The following SYNE1 variants were observed in gnomAD, a reference collection of about 807,000 sequenced individuals.
SYNE1 encodes nesprin-1.
Under a neutral mutation model 1,111.0 loss-of-function variants are expected in SYNE1, and 616 were observed. The ratio of observed to expected loss-of-function variants is 0.55; its 90% CI spans 0.52 to 0.59. The LOEUF (loss-of-function observed/expected upper bound fraction) is 0.59. Among genes scored for constraint, SYNE1 ranks in the 20% least tolerant of loss-of-function variants. SYNE1 has a pLI of 0.00. For missense variants in SYNE1, 10,006 were observed against 10,417.0 expected, an observed-to-expected ratio of 0.96 and a Z score of 1.72; for synonymous variants, 3,855 against 3,825.8, an observed-to-expected ratio of 1.01 and a Z score of -0.28.
At position 152,398,744 on chromosome 6, in the gene SYNE1, AAAAT is replaced by A. The variant is rs771486876; in HGVS notation, c.7238-17_7238-14del. ...TCCTGCATAGACTCTTTTGAAAGAA[AAAAT>A]AAATAAATAAAAATAAAAAATCAGA... is the stretch of plus-strand genomic sequence containing the variant. On this transcript the variant is annotated splice_polypyrimidine_tract_variant and intron_variant, in intron 48 of 145. Coordinates refer to ENST00000367255, the MANE Select transcript of SYNE1 (RefSeq NM_182961.4). 16 of 1,593,268 alleles carry A rather than the reference AAAAT, an allele frequency of 1.0e-5. No individual in the cohort carries two copies. The African/African-American group carries it at 2.2e-4, about 21-fold the overall frequency.
At chr6:152,411,120 T>G (rs2098029230) in intron 42 of SYNE1, among the ~76,000 whole-genome samples, 1 of 152,214 alleles carries the variant, frequency 6.6e-6, no homozygotes. Context: ...GGGTCATTTT[T>G]TAAAATGCAT....
chr6:152,534,537 A>T (rs2099224436), intron 4 of SYNE1, among the ~76,000 whole-genome samples: 1 of 152,228 alleles, frequency 6.6e-6, no homozygotes, highest in Non-Finnish European at 1.5e-5. Context: ...TGGTATGTGC[A>T]TACATTGTGA....
intron 131 of SYNE1, among the ~76,000 whole-genome samples, chr6:152,162,136 C>T (rs2062640769): frequency 6.6e-6 from 1 of 152,184 alleles, no homozygotes. Context: ...TCTCAGCACA[C>T]CTTATTCAGA....
Position 152,227,430 on chromosome 6 carries a change from G to T in SYNE1, c.21196-1554C>A, listed in dbSNP as rs1016608224. Among the ~76,000 whole-genome samples, 3 of 152,042 alleles carry T rather than the reference G, an allele frequency of 2.0e-5. No homozygotes were observed. In the East Asian group the frequency reaches 5.8e-4, roughly 29 times the overall value. ...TTTGGTTAATTAGTTAGACACTCAC[G>T]CATTTGGCAGCTTAAAGTGATCATT... On this transcript the variant is annotated intron_variant, in intron 115 of 145. Coordinates refer to ENST00000367255, the MANE Select transcript of SYNE1 (RefSeq NM_182961.4).
At chr6:152,237,350 C>A (rs1034480262) in intron 108 of SYNE1, among the ~76,000 whole-genome samples, 2 of 147,744 alleles carry the variant, frequency 1.4e-5, no homozygotes, top group East Asian at 2.0e-4. Context: ...CACTCTGTTG[C>A]CCAGGCTGGA....
chr6:152,190,495 T>C (rs1271911260), intron 127 of SYNE1, among the ~76,000 whole-genome samples: 1 of 152,204 alleles, frequency 6.6e-6, no homozygotes, highest in African/African-American at 2.4e-5. Flanking sequence ...TGTACATATA[T>C]ATGGGGTATA....
At chr6:152,441,489 T>C (rs889291906) in intron 31 of SYNE1, among the ~76,000 whole-genome samples, 2 of 152,194 alleles carry the variant, frequency 1.3e-5, no homozygotes, top group Non-Finnish European at 2.9e-5. Context: ...ACTCAGATGA[T>C]TTCTGAGTTT....
chr6:152,220,739 T>G, intron 119 of SYNE1, 103 bp downstream of exon 119: 1 of 1,075,910 alleles, frequency 9.3e-7, no homozygotes, highest in Non-Finnish European at 1.4e-6. Flanking sequence ...TTTGGGTAAC[T>G]GTCTCACATA....
chr6:152,456,878 G>T, intron 22 of SYNE1: 1 of 264,980 alleles, frequency 3.8e-6, no homozygotes, highest in Non-Finnish European at 7.7e-6. Flanking sequence ...TCAAGAGCAT[G>T]GTTTTTTTGT....
At chr6:152,420,013 C>A (rs943793430) in intron 39 of SYNE1, among the ~76,000 whole-genome samples, 1 of 152,082 alleles carries the variant, frequency 6.6e-6, no homozygotes, top group Non-Finnish European at 1.5e-5. Context: ...ACATATGTTC[C>A]AAAATTGAAT....
intron 140 of SYNE1, among the ~76,000 whole-genome samples, chr6:152,139,078 C>T (rs950915053): frequency 5.3e-5 from 8 of 152,180 alleles, no homozygotes; most frequent in Non-Finnish European, 1.0e-4. Flanking sequence ...GAGGATTTCT[C>T]TCCAGCTCTA....
At chr6:152,223,349 T>C (rs6557208) in intron 117 of SYNE1, among the ~76,000 whole-genome samples, 86,322 of 151,938 alleles carry the variant, frequency 0.57, 25,256 homozygotes, top group East Asian at 0.85. Context: ...CGGCCGGGCA[T>C]GGTGGCTCAT....
chr6:152,170,856 T>C (rs2153085308), intron 130 of SYNE1, among the ~76,000 whole-genome samples: 1 of 152,304 alleles, frequency 6.6e-6, no homozygotes, highest in East Asian at 1.9e-4. Flanking sequence ...CTCCCACAAT[T>C]CCTATGCGTT....
intron 34 of SYNE1, 85 bp downstream of exon 34, chr6:152,433,710 G>T: frequency 6.6e-7 from 1 of 1,507,718 alleles, no homozygotes. Flanking sequence ...TCTTGTCCTG[G>T]GACCGAACAG....
chr6:152,472,200 G>A (rs746376341), intron 15 of SYNE1, 101 bp downstream of exon 15: 16 of 971,498 alleles, frequency 1.6e-5, no homozygotes, highest in South Asian at 6.1e-5. Flanking sequence ...AAAGGTAGGC[G>A]CCTCTGTTAA....
At chr6:152,141,754 CA>C (rs1467924895) in intron 138 of SYNE1, among the ~76,000 whole-genome samples, 1 of 150,456 alleles carries the variant, frequency 6.6e-6, no homozygotes, top group Admixed American at 6.6e-5. Context: ...GACCCAGTCT[CA>C]AAAAAAAGAA....
At chr6:152,290,652 A>C (rs1365308452) in intron 95 of SYNE1, among the ~76,000 whole-genome samples, 1 of 152,196 alleles carries the variant, frequency 6.6e-6, no homozygotes. Context: ...TTAAAGGAAA[A>C]ATGTAGGAAT....
At chr6:152,367,181 C>T (rs1434110842) in intron 62 of SYNE1, 37 bp downstream of exon 62, 3 of 1,613,880 alleles carry the variant, frequency 1.9e-6, no homozygotes, top group East Asian at 2.2e-5. Context: ...AAAACAAATT[C>T]TGTAGGTTGG....
intron 108 of SYNE1, among the ~76,000 whole-genome samples, chr6:152,239,048 C>T (rs544746762): frequency 8.9e-4 from 135 of 151,964 alleles, no homozygotes; most frequent in Middle Eastern, 3.4e-3. Flanking sequence ...CAGGCACCCA[C>T]GACGACGTCC....
Sources: gnomAD v4.1 joint callset for allele counts (sites outside exome capture counted in the v4.1 genomes callset) on GRCh38, gnomAD v4.1.1 for gene constraint, MANE v1.5 for transcripts, NCBI Gene and HGNC (gene_info 2026-07-23, HGNC 2026-07-21) for gene names.